EHMT1: variants seen among roughly 807,000 people sequenced by gnomAD.
EHMT1 encodes the protein histone-lysine N-methyltransferase EHMT1.
EHMT1 carries 15 observed loss-of-function variants against 147.2 expected under a neutral mutation model. The ratio of observed to expected loss-of-function variants is 0.10; its 90% CI spans 0.07 to 0.16. The LOEUF (loss-of-function observed/expected upper bound fraction) is 0.16. Ranked by LOEUF, EHMT1 falls within the 10% of genes least tolerant of loss-of-function variation. The pLI is 1.00. For missense variants in EHMT1, 1,587 were observed against 1,772.4 expected (o/e 0.90, Z 1.88); for synonymous variants, 795 against 709.6 (o/e 1.12, Z -1.91).
At chr9:137,806,676 G>A (rs1024894886) in intron 18 of EHMT1, among the ~76,000 whole-genome samples, 2 of 152,086 alleles carry the variant, frequency 1.3e-5, no homozygotes, top group African/African-American at 2.4e-5. Flanking sequence ...CTCATGATCC[G>A]CCCGCCTCGG....
intron 1 of EHMT1, among the ~76,000 whole-genome samples, chr9:137,684,674 G>A (rs1942269182): frequency 6.6e-6 from 1 of 151,850 alleles, no homozygotes; most frequent in South Asian, 2.1e-4. Flanking sequence ...TCAATTTTTG[G>A]TAGAAACAGG....
chr9:137,636,937 G>A (rs1362038043), intron 1 of EHMT1, among the ~76,000 whole-genome samples: 5 of 134,342 alleles, frequency 3.7e-5, no homozygotes, highest in South Asian at 2.3e-4. Context: ...TCGCTCTGTC[G>A]CCCAGGCTGG....
At chr9:137,630,511 A>G (rs1177059619) in intron 1 of EHMT1, among the ~76,000 whole-genome samples, 1 of 152,228 alleles carries the variant, frequency 6.6e-6, no homozygotes, top group Non-Finnish European at 1.5e-5. Flanking sequence ...CAAAGTGTAC[A>G]TTAACAAAAA....
chr9:137,795,931 C>T (rs1952905085), intron 16 of EHMT1, among the ~76,000 whole-genome samples: 1 of 152,090 alleles, frequency 6.6e-6, no homozygotes, highest in Non-Finnish European at 1.5e-5. Context: ...AAAAACTGTG[C>T]AACTAGAATG....
intron 1 of EHMT1, among the ~76,000 whole-genome samples, chr9:137,666,396 C>T (rs1939650842): frequency 6.6e-6 from 1 of 152,194 alleles, no homozygotes; most frequent in Non-Finnish European, 1.5e-5. Context: ...CGTGCTTGAA[C>T]TTTTTTGCTG....
rs923665320 is a variant in EHMT1, at chr9:137,828,940, G to A, written c.3541-5409G>A. On this transcript the variant is annotated intron_variant, in intron 25 of 26. Transcript: ENST00000460843. The surrounding 1 kb of genome is among the most constrained non-coding windows in gnomAD (Gnocchi z 5.3). ...CCTGGGAAGAGCCCAGATGGGCCTG[G>A]CCCTCCCAGATGGCCTCTTTTGCCT... Among the ~76,000 whole-genome samples, 1 of 152,130 alleles carries A rather than the reference G, an allele frequency of 6.6e-6. No individual in the cohort carries two copies. The highest frequency in any genetic ancestry group is 2.4e-5 in the African/African-American group (1 of 41,442).
chr9:137,709,457 G>T (rs1348931498), intron 1 of EHMT1, among the ~76,000 whole-genome samples: 7 of 152,198 alleles, frequency 4.6e-5, no homozygotes, highest in Non-Finnish European at 8.8e-5. Flanking sequence ...AGCTCCTGGG[G>T]AGGGTGATGC....
chr9:137,783,483 G>A (rs886742556), intron 15 of EHMT1, among the ~76,000 whole-genome samples: 2 of 152,148 alleles, frequency 1.3e-5, no homozygotes, highest in Non-Finnish European at 2.9e-5. Flanking sequence ...TGGTATTATG[G>A]TTATTTTGAA....
intron 10 of EHMT1, among the ~76,000 whole-genome samples, chr9:137,773,961 A>G (rs1425383589): frequency 2.0e-5 from 3 of 152,116 alleles, no homozygotes; most frequent in African/African-American, 7.2e-5. Flanking sequence ...AGTGCCTGGC[A>G]TCCTGGGTGC....
chr9:137,812,899 T>C, intron 19 of EHMT1, 107 bp from the exon 20 acceptor site: 1 of 1,458,614 alleles, frequency 6.9e-7, no homozygotes, highest in Non-Finnish European at 9.5e-7. Context: ...TCACAGTGAA[T>C]AGTGTTCCCT....
chr9:137,656,254 C>T (rs755883039), intron 1 of EHMT1, among the ~76,000 whole-genome samples: 11 of 152,116 alleles, frequency 7.2e-5, no homozygotes, highest in East Asian at 1.9e-4. Flanking sequence ...GCAGCGTGCG[C>T]GTGTAATCCC....
chr9:137,636,937 G>T (rs1362038043), intron 1 of EHMT1, among the ~76,000 whole-genome samples: 5 of 134,300 alleles, frequency 3.7e-5, no homozygotes, highest in African/African-American at 1.1e-4. Context: ...TCGCTCTGTC[G>T]CCCAGGCTGG....
intron 1 of EHMT1, among the ~76,000 whole-genome samples, chr9:137,635,448 C>T (rs1023576424): frequency 6.6e-6 from 1 of 151,650 alleles, no homozygotes; most frequent in African/African-American, 2.4e-5. Flanking sequence ...AACTTCTGAC[C>T]TCGTGATTCG....
intron 18 of EHMT1, among the ~76,000 whole-genome samples, chr9:137,806,468 T>A (rs986397326): frequency 1.3e-5 from 2 of 150,702 alleles, no homozygotes; most frequent in African/African-American, 2.4e-5. Context: ...GGAGTTTTGC[T>A]CTTTCACCCA....
At chr9:137,686,668 A>G (rs1461264520) in intron 1 of EHMT1, among the ~76,000 whole-genome samples, 1 of 151,250 alleles carries the variant, frequency 6.6e-6, no homozygotes, top group Non-Finnish European at 1.5e-5. Context: ...GGTGTGAGCC[A>G]CTGTGCCCAG....
intron 1 of EHMT1, chr9:137,676,220 A>G (rs1483187590): frequency 7.0e-6 from 1 of 143,186 alleles, no homozygotes; most frequent in Non-Finnish European, 1.5e-5. Flanking sequence ...GCGCCCGGCC[A>G]TTACGCCTGA....
chr9:137,625,162 G>A (rs981378881), intron 1 of EHMT1, among the ~76,000 whole-genome samples: 3 of 152,150 alleles, frequency 2.0e-5, no homozygotes, highest in Non-Finnish European at 2.9e-5. Flanking sequence ...GATTCCAGGC[G>A]TGGGCCACCT....
At chr9:137,789,815 T>C (rs1372950723) in intron 15 of EHMT1, among the ~76,000 whole-genome samples, 2 of 152,220 alleles carry the variant, frequency 1.3e-5, no homozygotes, top group East Asian at 3.9e-4. Context: ...CTGCAACCTC[T>C]GCCTCCCAGG....
At chr9:137,659,713 A>G (rs929789042) in intron 1 of EHMT1, among the ~76,000 whole-genome samples, 2 of 151,764 alleles carry the variant, frequency 1.3e-5, no homozygotes, top group African/African-American at 4.8e-5. Flanking sequence ...ATGGTCCACC[A>G]TAGTAGGCAT....
Sources: gnomAD v4.1 joint callset for allele counts (sites outside exome capture counted in the v4.1 genomes callset) on GRCh38, gnomAD v4.1.1 for gene constraint, Gnocchi (gnomAD v3.1) non-coding constraint, MANE v1.5 for transcripts, NCBI Gene and HGNC (gene_info 2026-07-23, HGNC 2026-07-21) for gene names.